Variants in APP observed in about 807,000 individuals in gnomAD.
The protein encoded by APP is amyloid beta precursor protein.
APP carries 31 observed loss-of-function variants against 101.4 expected under a neutral mutation model. That is an observed-to-expected ratio of 0.31 (90% CI 0.23 to 0.41). The LOEUF (loss-of-function observed/expected upper bound fraction) is 0.41. Among genes scored for constraint, APP ranks in the 10% least tolerant of loss-of-function variants. The probability of loss-of-function intolerance (pLI) is 1.00; values close to 1 mark genes in which losing one functional copy is unlikely to be tolerated. For synonymous variants in APP, 366 were observed against 364.4 expected (o/e 1.00, Z -0.05); for missense variants, 839 against 1,003.7 (o/e 0.84, Z 2.22).
chr21:25,979,476 T>A (rs888908747), intron 9 of APP, among the ~76,000 whole-genome samples: 2 of 152,184 alleles, frequency 1.3e-5, no homozygotes, highest in East Asian at 1.9e-4. Flanking sequence ...AGTTGAAAAG[T>A]CCCTAGATTT....
chr21:26,033,841 G>C (rs1297224764), intron 5 of APP, among the ~76,000 whole-genome samples: 1 of 152,094 alleles, frequency 6.6e-6, no homozygotes, highest in Non-Finnish European at 1.5e-5. Context: ...GAGTGAGTAA[G>C]AGGAGGAATC....
At chr21:25,952,768 C>CAAACAAACAAACA (rs1569099061) in intron 13 of APP, among the ~76,000 whole-genome samples, 5 of 139,410 alleles carry the variant, frequency 3.6e-5, no homozygotes, top group African/African-American at 1.6e-4. Context: ...ACAAACAAAC[C>CAAACAAACAAACA]ATGTTTTCTA....
At chr21:25,988,637 A>G (rs367913651) in intron 8 of APP, among the ~76,000 whole-genome samples, 9 of 146,640 alleles carry the variant, frequency 6.1e-5, no homozygotes, top group East Asian at 2.1e-4. Context: ...GGGAGGCGGA[A>G]GTTGTGGTGA....
At chr21:26,154,685 T>C (rs553648980) in intron 1 of APP, among the ~76,000 whole-genome samples, 130 of 152,302 alleles carry the variant, frequency 8.5e-4, no homozygotes, top group African/African-American at 3.0e-3. Flanking sequence ...AGAAAGAGAT[T>C]AGAAGTTAGA....
intron 3 of APP, among the ~76,000 whole-genome samples, chr21:26,055,635 A>G (rs17001661): frequency 0.062 from 9,391 of 152,152 alleles, 593 homozygotes; most frequent in East Asian, 0.23. Flanking sequence ...GGCCAGAAGT[A>G]CCCTATGGCC....
intron 3 of APP, among the ~76,000 whole-genome samples, chr21:26,062,530 C>T (rs886099211): frequency 2.6e-5 from 4 of 151,326 alleles, no homozygotes; most frequent in African/African-American, 9.7e-5. Flanking sequence ...GGCATGGTGG[C>T]GGGTGCCTGT....
chr21:25,889,456 G>A (rs779536311), intron 17 of APP, among the ~76,000 whole-genome samples: 1 of 152,182 alleles, frequency 6.6e-6, no homozygotes, highest in Non-Finnish European at 1.5e-5. Context: ...ATGGAAGCCC[G>A]AGGAAGCCAA....
At chr21:26,024,934 C>T (rs2044503633) in intron 5 of APP, among the ~76,000 whole-genome samples, 1 of 152,162 alleles carries the variant, frequency 6.6e-6, no homozygotes, top group Non-Finnish European at 1.5e-5. Flanking sequence ...TTAATAGCAA[C>T]TTACTCATAT....
intron 5 of APP, among the ~76,000 whole-genome samples, chr21:26,033,694 C>A (rs1325836366): frequency 2.0e-5 from 3 of 152,134 alleles, no homozygotes; most frequent in African/African-American, 4.8e-5. Context: ...AGTTGTATTG[C>A]AACAAACATG....
chr21:26,142,979 A>G (rs1440299808), intron 1 of APP, among the ~76,000 whole-genome samples: 1 of 152,208 alleles, frequency 6.6e-6, no homozygotes, highest in African/African-American at 2.4e-5. Flanking sequence ...TCCATGTCAA[A>G]GATAGGCATT....
chr21:26,086,216 C>A (rs1360063333), intron 3 of APP, among the ~76,000 whole-genome samples: 1 of 152,164 alleles, frequency 6.6e-6, no homozygotes, highest in Non-Finnish European at 1.5e-5. Flanking sequence ...AAAATGTTCA[C>A]ATGATTAAGA....
At chr21:25,885,113 A>C (rs368226152) in intron 17 of APP, among the ~76,000 whole-genome samples, 13 of 152,252 alleles carry the variant, frequency 8.5e-5, no homozygotes, top group African/African-American at 3.1e-4. Context: ...AGGGCTTAGG[A>C]GCTACAGAAG....
intron 1 of APP, chr21:26,140,166 A>G: frequency 2.0e-6 from 3 of 1,535,452 alleles, no homozygotes; most frequent in Non-Finnish European, 2.6e-6. Context: ...GTTGATAAAC[A>G]GAACCAACAA....
intron 13 of APP, among the ~76,000 whole-genome samples, chr21:25,948,004 C>CA (rs34371241): frequency 0.039 from 2,777 of 70,534 alleles, 168 homozygotes; most frequent in East Asian, 0.29. Flanking sequence ...GACTCCATCT[C>CA]AAAAAAAAAA....
intron 3 of APP, among the ~76,000 whole-genome samples, chr21:26,088,076 A>G (rs1162414315): frequency 6.6e-6 from 1 of 152,042 alleles, no homozygotes; most frequent in East Asian, 1.9e-4. Flanking sequence ...GGCTCAAGCA[A>G]TCTTCCCACC....
intron 1 of APP, among the ~76,000 whole-genome samples, chr21:26,145,731 G>C (rs2063141230): frequency 6.6e-6 from 1 of 152,082 alleles, no homozygotes; most frequent in South Asian, 2.1e-4. Context: ...AGATTCACTT[G>C]AATCTGCTAC....
rs541458385 is a variant in APP at position 25,894,966 on chromosome 21, C to T, written c.2064+2607G>A. On this transcript the variant is annotated intron_variant, in intron 16 of 17. Transcript: ENST00000346798. ...CACAGCCACCACAAACCTCAGCAGC[C>T]ACCACCTGGATTAGCCTGCAGCAGT... 3.9e-5 allele frequency among the ~76,000 whole-genome samples: 6 copies of T among 152,272 alleles called. No individual in the cohort carries two copies. The East Asian group carries it at 1.2e-3, about 29-fold the overall frequency.
At chr21:26,148,062 G>A (rs545608805) in intron 1 of APP, among the ~76,000 whole-genome samples, 1 of 152,338 alleles carries the variant, frequency 6.6e-6, no homozygotes, top group African/African-American at 2.4e-5. Flanking sequence ...AGCTACGTGT[G>A]AGCAGGTTTT....
intron 3 of APP, among the ~76,000 whole-genome samples, chr21:26,060,660 T>C (rs2046235326): frequency 6.6e-6 from 1 of 152,100 alleles, no homozygotes; most frequent in East Asian, 1.9e-4. Flanking sequence ...AAATTTTAAA[T>C]AGGGTGGTCA....
Sources: gnomAD v4.1 joint callset for allele counts (sites outside exome capture counted in the v4.1 genomes callset) on GRCh38, gnomAD v4.1.1 for gene constraint, MANE v1.5 for transcripts, NCBI Gene and HGNC (gene_info 2026-07-23, HGNC 2026-07-21) for gene names.